The following HS6ST2 variants were observed in gnomAD, a reference collection of about 807,000 sequenced individuals.
HS6ST2 encodes heparan sulfate 6-O-sulfotransferase 2.
In HS6ST2, 17 loss-of-function variants were observed where a neutral mutation model predicts 33.0. That is an observed-to-expected ratio of 0.52 (90% CI 0.35 to 0.77). The LOEUF (loss-of-function observed/expected upper bound fraction) is 0.77, where lower values mean the gene tolerates loss of function less well. Among genes scored for constraint, HS6ST2 ranks in the 30% least tolerant of loss-of-function variants. The pLI, the probability that HS6ST2 is intolerant of heterozygous loss-of-function variation, is 0.01. For missense variants in HS6ST2, 519 were observed against 551.7 expected (o/e 0.94, Z 0.59); for synonymous variants, 248 against 237.1 (o/e 1.05, Z -0.42).
At chrX:132,681,524 C>A (rs1334894448) in intron 3 of HS6ST2, among the ~76,000 whole-genome samples, 1 of 111,905 alleles carries the variant, frequency 8.9e-6, no homozygotes, top group Non-Finnish European at 1.9e-5. Flanking sequence ...GTGGCTCATG[C>A]CTATTATCCC....
intron 2 of HS6ST2, among the ~76,000 whole-genome samples, chrX:132,828,763 TTA>T (rs1243896007): frequency 1.1e-5 from 1 of 88,804 alleles, no homozygotes; most frequent in African/African-American, 4.2e-5. Context: ...TAGGTGTGAT[TTA>T]TATATATAAA....
intron 2 of HS6ST2, among the ~76,000 whole-genome samples, chrX:132,916,640 G>C: frequency 8.9e-6 from 1 of 112,218 alleles, no homozygotes; most frequent in Non-Finnish European, 1.9e-5. Context: ...TGACTTCCTA[G>C]TCTTCCAGCT....
intron 2 of HS6ST2, among the ~76,000 whole-genome samples, chrX:132,815,513 T>C (rs1294436283): frequency 1.8e-5 from 2 of 112,089 alleles, no homozygotes; most frequent in African/African-American, 6.5e-5. Context: ...CTCTCAACTG[T>C]TACTATGCTC....
intron 2 of HS6ST2, among the ~76,000 whole-genome samples, chrX:132,913,097 C>T (rs184093527): frequency 3.1e-4 from 35 of 111,304 alleles, no homozygotes; most frequent in African/African-American, 1.1e-3. Context: ...GCTGGCCTCT[C>T]GAGTCCCCTC....
At chrX:132,629,571 A>T (rs917855158) in intron 4 of HS6ST2, among the ~76,000 whole-genome samples, 1 of 112,376 alleles carries the variant, frequency 8.9e-6, no homozygotes, top group African/African-American at 3.2e-5. Flanking sequence ...TCAAATTCGA[A>T]TCTTATTAAA....
At chrX:132,781,570 C>T (rs1277120755) in intron 2 of HS6ST2, among the ~76,000 whole-genome samples, 1 of 111,538 alleles carries the variant, frequency 9.0e-6, no homozygotes, top group Non-Finnish European at 1.9e-5. Context: ...CGTTTTTATA[C>T]TGCTATAAAG....
At chrX:132,924,689 T>C (rs1433140811) in intron 2 of HS6ST2, among the ~76,000 whole-genome samples, 4 of 109,747 alleles carry the variant, frequency 3.6e-5, no homozygotes, top group Admixed American at 9.8e-5. Context: ...GGGAGAGGGG[T>C]TTAAGATTGA....
chrX:132,883,287 T>C (rs2066203563), intron 2 of HS6ST2, among the ~76,000 whole-genome samples: 1 of 111,578 alleles, frequency 9.0e-6, no homozygotes, highest in Non-Finnish European at 1.9e-5. Context: ...AGGCTATTAA[T>C]TATTGCCTCA....
chrX:132,723,831 C>A (rs941959622), intron 2 of HS6ST2, among the ~76,000 whole-genome samples: 1 of 112,015 alleles, frequency 8.9e-6, no homozygotes, highest in Non-Finnish European at 1.9e-5. Context: ...CATAATCAGA[C>A]AAGAGAATGA....
intron 4 of HS6ST2, among the ~76,000 whole-genome samples, chrX:132,630,267 G>A (rs2063508239): frequency 8.9e-6 from 1 of 112,546 alleles, no homozygotes; most frequent in South Asian, 3.7e-4. Context: ...GAAACCCGGA[G>A]AATGGCTTGC....
intron 2 of HS6ST2, among the ~76,000 whole-genome samples, chrX:132,838,473 C>A (rs1220760820): frequency 8.9e-6 from 1 of 111,732 alleles, no homozygotes; most frequent in Non-Finnish European, 1.9e-5. Context: ...GAGGCTTTGG[C>A]TCCTAAGACC....
At chrX:132,861,621 A>T (rs1234454655) in intron 2 of HS6ST2, among the ~76,000 whole-genome samples, 1 of 112,618 alleles carries the variant, frequency 8.9e-6, no homozygotes, top group East Asian at 2.8e-4. Flanking sequence ...AAGGCATAAG[A>T]TGCTATCTTG....
At chrX:132,860,090 T>A (rs762337956) in intron 2 of HS6ST2, among the ~76,000 whole-genome samples, 2 of 111,940 alleles carry the variant, frequency 1.8e-5, no homozygotes, top group Admixed American at 1.9e-4. Flanking sequence ...TAGCTCTGTA[T>A]CAGGCATCTG....
chrX:132,684,224 C>CATATAT (rs764280543), intron 3 of HS6ST2, among the ~76,000 whole-genome samples: 4 of 94,513 alleles, frequency 4.2e-5, no homozygotes, highest in South Asian at 9.8e-4. Flanking sequence ...CATATATATA[C>CATATAT]ATATATATAT....
At chrX:132,809,720 C>T (rs2065321488) in intron 2 of HS6ST2, among the ~76,000 whole-genome samples, 1 of 111,779 alleles carries the variant, frequency 8.9e-6, no homozygotes, top group Non-Finnish European at 1.9e-5. Flanking sequence ...ATCACATGGC[C>T]CATAAACCAC....
chrX:132,817,565 A>G (rs1202462931), intron 2 of HS6ST2, among the ~76,000 whole-genome samples: 2 of 112,097 alleles, frequency 1.8e-5, no homozygotes, highest in East Asian at 2.8e-4. Flanking sequence ...TCCAGCCAAG[A>G]CTTACGGAGT....
At chrX:132,765,869 A>G in intron 2 of HS6ST2, among the ~76,000 whole-genome samples, 1 of 112,382 alleles carries the variant, frequency 8.9e-6, no homozygotes. Context: ...TACATGGACT[A>G]GTATGTATTA....
chrX:132,891,882 G>A (rs969040098), intron 2 of HS6ST2, among the ~76,000 whole-genome samples: 3 of 111,523 alleles, frequency 2.7e-5, no homozygotes, highest in Non-Finnish European at 5.6e-5. Context: ...ATGATTTATA[G>A]TCCTTTGGGT....
At chrX:132,873,903 A>G (rs2066086505) in intron 2 of HS6ST2, among the ~76,000 whole-genome samples, 2 of 111,170 alleles carry the variant, frequency 1.8e-5, no homozygotes, top group Admixed American at 9.6e-5. Flanking sequence ...TAAGAGATGA[A>G]GCCAAATCTC....
Sources: gnomAD v4.1 joint callset for allele counts (sites outside exome capture counted in the v4.1 genomes callset) on GRCh38, gnomAD v4.1.1 for gene constraint, MANE v1.5 for transcripts, NCBI Gene and HGNC (gene_info 2026-07-23, HGNC 2026-07-21) for gene names.